The following DNPEP variants were observed in gnomAD, a reference collection of about 807,000 sequenced individuals.
DNPEP encodes aspartyl aminopeptidase.
In DNPEP, 46 loss-of-function variants were observed where a neutral mutation model predicts 59.1. The ratio of observed to expected loss-of-function variants is 0.78; its 90% CI spans 0.61 to 0.99. DNPEP has a LOEUF of 0.99. Among genes scored for constraint, DNPEP ranks in the 50% least tolerant of loss-of-function variants. DNPEP has a pLI of 0.00. For missense variants in DNPEP, 617 were observed against 649.9 expected (o/e 0.95, Z 0.55); for synonymous variants, 229 against 242.2 (o/e 0.95, Z 0.50).
At chr2:219,387,495 G>C in intron 1 of DNPEP, 2 of 1,437,026 alleles carry the variant, frequency 1.4e-6, no homozygotes, top group East Asian at 2.6e-5. Flanking sequence ...CTCTGAGGCG[G>C]CCTGCATCAC....
intron 9 of DNPEP, among the ~76,000 whole-genome samples, chr2:219,383,890 C>A (rs185335005): frequency 2.0e-5 from 3 of 152,256 alleles, no homozygotes; most frequent in African/African-American, 4.8e-5. Context: ...AGGGAACTGA[C>A]TAGGGTGGAG....
At position 219,374,136 on chromosome 2, in the gene DNPEP, G is replaced by A. The variant is rs1953275809; in HGVS notation, c.*156C>T. 1 of 717,984 alleles carries A rather than the reference G, an allele frequency of 1.4e-6. No individual in the cohort carries two copies. Among genetic ancestry groups the A allele is most frequent in the Non-Finnish European group, 2.3e-6 (1 of 431,316 alleles). 44.5% of individuals were successfully genotyped at this position (717,984 alleles called of 1,614,324 possible). On this transcript the variant is annotated 3_prime_UTR_variant, in exon 15 of 15. Transcript: ENST00000273075. ...CTCCCCAACTTTTCTGGTTCCAAAGGTTCAAGCCAGGCTCAACTCCCACTC... is the reference window on the plus strand; with the variant it reads ...CTCCCCAACTTTTCTGGTTCCAAAGATTCAAGCCAGGCTCAACTCCCACTC...
chr2:219,387,634 CG>C, intron 1 of DNPEP, 124 bp downstream of exon 1: 1 of 1,547,862 alleles, frequency 6.5e-7, no homozygotes, highest in South Asian at 1.2e-5. Flanking sequence ...TCACCCTCCG[CG>C]GGGCTTTCGG....
At chr2:219,393,199 T>G (rs1433468507), upstream of DNPEP, among the ~76,000 whole-genome samples, 2 of 152,210 alleles carry the variant, frequency 1.3e-5, no homozygotes, top group African/African-American at 4.8e-5. Flanking sequence ...TTTAAGAAAG[T>G]TTACAAATAT....
chr2:219,379,710 C>T (rs1050001500), intron 13 of DNPEP, among the ~76,000 whole-genome samples: 5 of 151,972 alleles, frequency 3.3e-5, no homozygotes, highest in African/African-American at 1.2e-4. Context: ...ATCACAAGGT[C>T]AGGAGTTCGA....
chr2:219,381,517 G>A (rs769897892), intron 12 of DNPEP, 28 bp downstream of exon 12: 2 of 1,613,958 alleles, frequency 1.2e-6, no homozygotes, highest in South Asian at 2.2e-5. Flanking sequence ...AGACCTCCAA[G>A]TCCCTAGGGA....
At chr2:219,394,341 T>A (rs1258844467) in intron 1 of DNPEP, among the ~76,000 whole-genome samples, 1 of 152,206 alleles carries the variant, frequency 6.6e-6, no homozygotes, top group Non-Finnish European at 1.5e-5. Flanking sequence ...AACACTCTCT[T>A]CACTTGGCCT....
At chr2:219,375,424 A>G (rs1485527315) in intron 13 of DNPEP, among the ~76,000 whole-genome samples, 1 of 152,218 alleles carries the variant, frequency 6.6e-6, no homozygotes, top group Middle Eastern at 3.2e-3. Flanking sequence ...ATATGATGCT[A>G]GATATCAAGG....
Position 219,373,061 on chromosome 2 carries a change from A to AATTTTT in DNPEP, c.*1230_*1231insAAAAAT, listed in dbSNP as rs1553597982. 1.5e-3 allele frequency among the ~76,000 whole-genome samples: 229 copies of AATTTTT among 150,998 alleles called. 1 individual carries two copies. The highest frequency in any genetic ancestry group is 5.2e-3 in the African/African-American group (213 of 41,238). ...GAGGTTGGTTTATAAGCAGGCTTTGACTTTTTCTTTTTCTTTTTTTTTTTT... is the reference window on the plus strand; with the variant it reads ...GAGGTTGGTTTATAAGCAGGCTTTGAATTTTTCTTTTTCTTTTTCTTTTTTTTTTTT... On this transcript the variant is annotated 3_prime_UTR_variant, in exon 15 of 15. Coordinates refer to ENST00000273075, the MANE Select transcript of DNPEP (RefSeq NM_012100.4).
chr2:219,383,475 C>CT (rs1202771434), intron 9 of DNPEP, among the ~76,000 whole-genome samples: 13 of 147,046 alleles, frequency 8.8e-5, no homozygotes, highest in Admixed American at 6.8e-4. Context: ...TTTTTTTTCT[C>CT]TTTTTTTCTT....
chr2:219,380,946 T>G (rs1953570998), intron 13 of DNPEP, among the ~76,000 whole-genome samples: 1 of 151,800 alleles, frequency 6.6e-6, no homozygotes, highest in South Asian at 2.1e-4. Context: ...GCCCTGAACT[T>G]TCCCTGTGGA....
chr2:219,388,526 C>T (rs1440280298), upstream of DNPEP: 1 of 197,440 alleles, frequency 5.1e-6, no homozygotes. Flanking sequence ...CTCGTCTCCG[C>T]CCCTGCGGGG....
chr2:219,387,458 ACTCCGGGATCC>A, intron 1 of DNPEP: 3 of 1,425,348 alleles, frequency 2.1e-6, no homozygotes, highest in Non-Finnish European at 2.8e-6. Context: ...CTGCTCCCAA[ACTCCGGGATCC>A]CAAGCGGGCC....
chr2:219,392,359 T>A (rs938896496), upstream of DNPEP, among the ~76,000 whole-genome samples: 6 of 152,076 alleles, frequency 3.9e-5, no homozygotes, highest in Admixed American at 2.6e-4. Flanking sequence ...TTTTTTTTTT[T>A]TTATTGAGAC....
intron 1 of DNPEP, 173 bp downstream of exon 1, chr2:219,387,586 G>C: frequency 6.6e-7 from 1 of 1,517,386 alleles, no homozygotes; most frequent in Non-Finnish European, 8.8e-7. Flanking sequence ...CTAGTCTCTC[G>C]CAGGACTCCC....
chr2:219,378,580 C>T (rs181426844), intron 13 of DNPEP, among the ~76,000 whole-genome samples: 1 of 152,304 alleles, frequency 6.6e-6, no homozygotes, highest in African/African-American at 2.4e-5. Flanking sequence ...CTGGACCGCC[C>T]ATGCCTGAGT....
chr2:219,394,083 C>T (rs1246517275), intron 1 of DNPEP, among the ~76,000 whole-genome samples: 1 of 152,182 alleles, frequency 6.6e-6, no homozygotes, highest in Non-Finnish European at 1.5e-5. Context: ...GCAGTGGCCT[C>T]ATTTTCCTTC....
Position 219,381,369 on chromosome 2 carries a change from C to A in DNPEP, c.1205G>T (p.Arg402Leu), listed in dbSNP as rs201486555. The change falls in exon 13 of 15, where the codon CGA becomes CTA. Residue 402 changes from arginine to leucine, a missense_variant. Arg to Leu is a moderately radical substitution (Grantham distance 102, BLOSUM62 -2). Coordinates refer to ENST00000273075, the MANE Select transcript of DNPEP (RefSeq NM_012100.4). ...ASNAVSEALI[R>L]EVANKVKVPL... ...GACCTTGACTTTGTTGGCCACCTCT[C>A]GGATCAGGGCCTCTGACACCGCGTT... The A allele has an allele frequency of 6.2e-7, 1 of 1,614,050 alleles. No homozygotes were observed. Among genetic ancestry groups the A allele is most frequent in the Non-Finnish European group, 8.5e-7 (1 of 1,180,054 alleles).
At position 219,386,975 on chromosome 2, in the gene DNPEP, C is replaced by A; in HGVS notation, c.136G>T (p.Ala46Ser). The A allele has an allele frequency of 6.2e-7, 1 of 1,613,994 alleles. No individual in the cohort carries two copies. Among genetic ancestry groups the A allele is most frequent in the South Asian group, 1.1e-5 (1 of 91,082 alleles). ...NRSPSPFHAV[A>S]ECRNRLLQAG... is the part of the protein sequence containing the mutation. ...TGGAGAAGGCGGTTGCGGCATTCAG[C>A]CACAGCTGTGGGAAAAGCACCCTCT... Residue 46 changes from alanine to serine, a missense_variant, in exon 3 of 15, where the codon GCT (alanine) becomes TCT (serine). Coordinates refer to ENST00000273075, the MANE Select transcript of DNPEP (RefSeq NM_012100.4).
Sources: allele counts gnomAD v4.1 joint callset (sites outside exome capture counted in the v4.1 genomes callset), GRCh38; gene constraint gnomAD v4.1.1; transcripts MANE v1.5; gene names NCBI Gene and HGNC (gene_info 2026-07-23, HGNC 2026-07-21).